The following RORA variants were observed in gnomAD, a reference collection of about 807,000 sequenced individuals.
RORA encodes the protein nuclear receptor ROR-alpha.
Under a neutral mutation model 69.5 loss-of-function variants are expected in RORA, and 7 were observed. That is an observed-to-expected ratio of 0.10 (90% CI 0.06 to 0.19). The LOEUF is 0.19. Ranked by LOEUF, RORA falls within the 10% of genes least tolerant of loss-of-function variation. The pLI, the probability that RORA is intolerant of heterozygous loss-of-function variation, is 1.00. For missense variants in RORA, 457 were observed against 663.0 expected (o/e 0.69, Z 3.41); for synonymous variants, 261 against 240.8 (o/e 1.08, Z -0.78).
chr15:60,832,034 C>T (rs2073049214), intron 1 of RORA, among the ~76,000 whole-genome samples: 1 of 152,182 alleles, frequency 6.6e-6, no homozygotes, highest in Non-Finnish European at 1.5e-5. Context: ...TGCCTGCTAA[C>T]TCTTCTCTCG....
intron 1 of RORA, among the ~76,000 whole-genome samples, chr15:61,185,980 C>G (rs1322105871): frequency 6.6e-6 from 1 of 152,180 alleles, no homozygotes; most frequent in Non-Finnish European, 1.5e-5. Context: ...TCTAAAGCCA[C>G]AGTGGTTAAC....
intron 1 of RORA, among the ~76,000 whole-genome samples, chr15:60,758,902 G>A (rs1215930290): frequency 1.3e-5 from 2 of 152,178 alleles, no homozygotes; most frequent in African/African-American, 4.8e-5. Flanking sequence ...GATAAGAGAG[G>A]CCAGACAGTT....
At chr15:60,688,139 G>T (rs1478538658) in intron 1 of RORA, among the ~76,000 whole-genome samples, 1 of 152,024 alleles carries the variant, frequency 6.6e-6, no homozygotes. Flanking sequence ...TTACCAAATG[G>T]AAGGCGCTAC....
rs1294966119 is a variant in RORA at position 61,147,087 on chromosome 15, G to C, written c.166+81966C>G. Among the ~76,000 whole-genome samples, 1 of 152,168 alleles carries C rather than the reference G, an allele frequency of 6.6e-6. No homozygotes were observed. Among genetic ancestry groups the C allele is most frequent in the Admixed American group, 6.5e-5 (1 of 15,288 alleles). On this transcript the variant is annotated intron_variant, in intron 1 of 10. Coordinates refer to ENST00000335670, the MANE Select transcript of RORA (RefSeq NM_134261.3). The surrounding 1 kb of genome is among the most constrained non-coding windows in gnomAD (Gnocchi z 4.1). ...CCTCTGAGTGCTTGGAGAGCACCAA[G>C]CGGGCCAGACATCACAATAGGTTAG...
At position 60,996,706 on chromosome 15, in the gene RORA, C is replaced by G. The variant is rs575964153; in HGVS notation, c.166+232347G>C. Among the ~76,000 whole-genome samples the G allele has an allele frequency of 1.6e-3, 241 of 152,082 alleles. 1 individual carries two copies. The highest frequency in any genetic ancestry group is 5.5e-3 in the African/African-American group (229 of 41,476). ...TGGGTGGATCACGAGGTCAGGAGAT[C>G]GAGACCATCCTGGCTAACATGGTGA... On this transcript the variant is annotated intron_variant, in intron 1 of 10. Coordinates refer to ENST00000335670, the MANE Select transcript of RORA (RefSeq NM_134261.3).
Position 60,595,101 on chromosome 15 carries a change from G to A in RORA, c.197-63250C>T, listed in dbSNP as rs531380710. On this transcript the variant is annotated intron_variant, in intron 2 of 10. Transcript: ENST00000335670. ...TATAAGGCCCCAACCAAACAAATCAGTCAGGAGTAAAAGGGAACATCTCCC... is the reference window on the plus strand; with the variant it reads ...TATAAGGCCCCAACCAAACAAATCAATCAGGAGTAAAAGGGAACATCTCCC... 8.5e-4 allele frequency among the ~76,000 whole-genome samples: 126 copies of A among 148,484 alleles called. 1 individual carries two copies. Among genetic ancestry groups the A allele is most frequent in the Non-Finnish European group, 1.5e-3 (98 of 66,630 alleles).
At chr15:61,037,970 A>T (rs976572242) in intron 1 of RORA, among the ~76,000 whole-genome samples, 3 of 152,144 alleles carry the variant, frequency 2.0e-5, no homozygotes, top group African/African-American at 4.8e-5. Flanking sequence ...ACAACCCAGA[A>T]AAAGCCTGAG....
At chr15:60,821,333 G>A (rs1018754804) in intron 1 of RORA, among the ~76,000 whole-genome samples, 5 of 152,122 alleles carry the variant, frequency 3.3e-5, no homozygotes, top group African/African-American at 1.2e-4. Flanking sequence ...TGGATCCGGG[G>A]CTTCTAGCCC....
In RORA at chr15:60,504,179, T is replaced by G. The variant is rs1282175409; in HGVS notation, c.943-512A>C. Reference sequence around the variant, plus strand: ...TTTGGGGGAAGGGAGAAAAGGAGAATCAACTGAATTTATTGTGCACCTACT... The same window carrying G: ...TTTGGGGGAAGGGAGAAAAGGAGAAGCAACTGAATTTATTGTGCACCTACT... On this transcript the variant is annotated intron_variant, in intron 6 of 10. Transcript: ENST00000335670. Among the ~76,000 whole-genome samples the G allele has an allele frequency of 3.9e-5, 6 of 152,168 alleles. No homozygotes were observed. In the East Asian group the frequency reaches 7.7e-4, roughly 20 times the overall value.
At chr15:61,201,557 C>A (rs1043052893) in intron 1 of RORA, among the ~76,000 whole-genome samples, 1 of 152,172 alleles carries the variant, frequency 6.6e-6, no homozygotes, top group Non-Finnish European at 1.5e-5. Context: ...CTTAACTGCA[C>A]AAGGTTTTTC....
intron 1 of RORA, among the ~76,000 whole-genome samples, chr15:60,842,403 T>C (rs956862355): frequency 1.3e-5 from 2 of 152,188 alleles, no homozygotes; most frequent in Admixed American, 6.5e-5. Context: ...TTAATCATAA[T>C]AGATATTTTC....
At chr15:60,727,174 A>AT (rs900368026) in intron 1 of RORA, among the ~76,000 whole-genome samples, 3 of 152,176 alleles carry the variant, frequency 2.0e-5, no homozygotes, top group East Asian at 1.9e-4. Context: ...CATTGCTTTC[A>AT]TTTTTTGTTG....
At chr15:60,504,543 C>A (rs1382583734) in intron 6 of RORA, among the ~76,000 whole-genome samples, 1 of 152,138 alleles carries the variant, frequency 6.6e-6, no homozygotes, top group Non-Finnish European at 1.5e-5. Context: ...GTGAGACTGT[C>A]TCAAAACAAA....
chr15:60,866,023 A>C (rs1353181700), intron 1 of RORA, among the ~76,000 whole-genome samples: 1 of 150,290 alleles, frequency 6.7e-6, no homozygotes, highest in South Asian at 2.1e-4. Flanking sequence ...GCATCACCCC[A>C]AGCATTTACC....
chr15:60,566,213 T>C (rs540986187), intron 2 of RORA, among the ~76,000 whole-genome samples: 1 of 152,344 alleles, frequency 6.6e-6, no homozygotes, highest in South Asian at 2.1e-4. Context: ...CATCTAAGTA[T>C]AGACGCAAAT....
At chr15:60,678,567 T>G in intron 2 of RORA, 90 bp downstream of exon 2, 1 of 968,342 alleles carries the variant, frequency 1.0e-6, no homozygotes, top group Non-Finnish European at 1.7e-6. Flanking sequence ...GCTGAAACAT[T>G]AGTATATACT....
At chr15:61,086,723 A>T (rs989045486) in intron 1 of RORA, among the ~76,000 whole-genome samples, 2 of 152,020 alleles carry the variant, frequency 1.3e-5, no homozygotes, top group East Asian at 1.9e-4. Flanking sequence ...AATAGCTTTT[A>T]AAAAATCTGT....
intron 2 of RORA, among the ~76,000 whole-genome samples, chr15:60,557,111 TTTGTTCTAAAGAAAC>T (rs2067387374): frequency 6.6e-6 from 1 of 152,316 alleles, no homozygotes; most frequent in South Asian, 2.1e-4. Context: ...TTTTTCTCCT[TTTGTTCTAAAGAAAC>T]TTGTTCTACT....
At chr15:61,150,229 T>C (rs1450313538) in intron 1 of RORA, among the ~76,000 whole-genome samples, 5 of 152,144 alleles carry the variant, frequency 3.3e-5, no homozygotes, top group African/African-American at 2.4e-5. Flanking sequence ...GTAGAAGAAA[T>C]ACACAATCAG....
Sources: allele counts gnomAD v4.1 joint callset (sites outside exome capture counted in the v4.1 genomes callset), GRCh38; gene constraint gnomAD v4.1.1; non-coding constraint Gnocchi (gnomAD v3.1); transcripts MANE v1.5; gene names NCBI Gene and HGNC (gene_info 2026-07-23, HGNC 2026-07-21).